Variants in TDRD6 observed in about 807,000 individuals in gnomAD.
TDRD6 encodes the protein tudor domain containing 6.
Under a neutral mutation model 157.5 loss-of-function variants are expected in TDRD6, and 186 were observed. The observed-to-expected ratio is 1.18, with a 90% confidence interval of 1.05 to 1.33. TDRD6 has a LOEUF of 1.33. Among genes scored for constraint, TDRD6 ranks in the 40% most tolerant of loss-of-function variants. The pLI is 0.00. For missense variants in TDRD6, 3,066 were observed against 2,508.0 expected (o/e 1.22, Z -4.75); for synonymous variants, 1,075 against 945.2 (o/e 1.14, Z -2.52).
Position 46,701,864 on chromosome 6 carries a change from G to T in TDRD6, c.6268G>T (p.Gly2090Cys). The part of the protein sequence containing the change: ...KLDKSPPEKR[G>C]LEVMEI ...TTTTCTCTTTTTGTTTCAGAAAAGG[G>T]GTTTGGAGGTGATGGAGATTTAACC... The change falls in exon 4 of 4, where the codon GGT becomes TGT. Residue 2090 changes from glycine (G) to cysteine (C), a missense_variant. By Grantham distance (159) the Gly-to-Cys change is radical. Coordinates refer to ENST00000316081, the MANE Select transcript of TDRD6 (RefSeq NM_001010870.3). The T allele has an allele frequency of 6.2e-7, 1 of 1,612,770 alleles. No individual in the cohort carries two copies.
chr6:46,700,637 A>G (rs941289862), intron 3 of TDRD6, among the ~76,000 whole-genome samples: 2 of 152,180 alleles, frequency 1.3e-5, no homozygotes, highest in African/African-American at 4.8e-5. Flanking sequence ...ATTGTCCTTA[A>G]TAAAGCATCT....
Position 46,690,579 on chromosome 6 carries a change from G to A in TDRD6, c.2451G>A (p.Gln817=). The A allele has an allele frequency of 6.2e-7, 1 of 1,614,192 alleles. No individual in the cohort carries two copies. The highest frequency in any genetic ancestry group is 8.5e-7 in the Non-Finnish European group (1 of 1,180,040). The change falls in exon 1 of 4, where the codon CAG becomes CAA. Residue 817 remains glutamine (Q), a synonymous_variant. Transcript: ENST00000316081. The part of the protein sequence containing the change: ...YYCKNTAAPH[Q]RNTLACLAKR... ...GCAAAAATACAGCTGCTCCTCACCA[G>A]AGAAACACCCTTGCTTGTTTGGCTA...
rs1425807989 is a variant in TDRD6 at position 46,693,571 on chromosome 6, G to A, written c.5443G>A (p.Gly1815Arg). 1 of 1,614,142 alleles carries A rather than the reference G, an allele frequency of 6.2e-7. No homozygotes were observed. Among genetic ancestry groups the A allele is most frequent in the South Asian group, 1.1e-5 (1 of 91,086 alleles). Residue 1815 changes from glycine to arginine, a missense_variant, in exon 1 of 4, where the codon GGA becomes AGA. Coordinates refer to ENST00000316081, the MANE Select transcript of TDRD6 (RefSeq NM_001010870.3). ...AEFDDKYLIT[G>R]FNTLLPHANE... The stretch of plus-strand genomic sequence containing the variant: ...GTTTGATGATAAATACCTGATTACA[G>A]GATTTAACACATTACTACCACATGC...
intron 2 of TDRD6, 51 bp from the exon 3 acceptor site, chr6:46,697,947 C>T: frequency 1.0e-6 from 1 of 991,338 alleles, no homozygotes; most frequent in African/African-American, 1.6e-5. Context: ...GTACATAAAT[C>T]AGTTATTTTT....
intron 3 of TDRD6, among the ~76,000 whole-genome samples, chr6:46,699,624 G>A (rs1764575218): frequency 6.6e-6 from 1 of 151,736 alleles, no homozygotes; most frequent in South Asian, 2.1e-4. Context: ...AGGCAGTTTT[G>A]ATTTGGCCCA....
In TDRD6 at chr6:46,689,652, AC is replaced by A. The variant is rs1764245086; in HGVS notation, c.1525del (p.His509ThrfsTer8). The A allele has an allele frequency of 6.2e-7, 1 of 1,614,172 alleles. No homozygotes were observed. The highest frequency in any genetic ancestry group is 1.7e-5 in the Admixed American group (1 of 60,028). ...PSEFWIRLRK[H>X]NVTFSKLMRR... ...CTGAGTTTTGGATTAGGTTGAGGAA[AC>A]ACAATGTCACCTTCAGTAAGCTGAT... On this transcript the variant is annotated frameshift_variant, in exon 1 of 4. Transcript: ENST00000316081. LOFTEE classifies it high-confidence loss of function.
Position 46,694,163 on chromosome 6 carries a change from A to G in TDRD6, c.6035A>G (p.Asp2012Gly), listed in dbSNP as rs147664901. 4.6e-6 allele frequency: 7 copies of G among 1,532,254 alleles called. No individual in the cohort carries two copies. Among genetic ancestry groups the G allele is most frequent in the East Asian group, 2.3e-5 (1 of 44,312 alleles). 94.9% of individuals were successfully genotyped at this position (1,532,254 alleles called of 1,614,324 possible). Residue 2012 changes from aspartate (D) to glycine (G), a missense_variant, in exon 1 of 4, where the codon GAT (aspartate) becomes GGT (glycine). Coordinates refer to ENST00000316081, the MANE Select transcript of TDRD6 (RefSeq NM_001010870.3). ...DGSKHNNGLP[D>G]HISAQLQNTY... ...AGCAAGCACAATAATGGTTTACCAG[A>G]TCATATCTCAGGTATGTGAATTTTT... is the stretch of plus-strand genomic sequence containing the variant.
At position 46,693,687 on chromosome 6, in the gene TDRD6, T is replaced by A. The variant is rs756872861; in HGVS notation, c.5559T>A (p.Ser1853=). Residue 1853 remains serine, a synonymous_variant, in exon 1 of 4, where the codon TCT becomes TCA. Transcript: ENST00000316081. ...CAAAAGAATTCTTAGAACTGGAATCTATTGAGTTACAGAATTCTCTGGTGG... is the reference window on the plus strand; with the variant it reads ...CAAAAGAATTCTTAGAACTGGAATCAATTGAGTTACAGAATTCTCTGGTGG... ...DESKEFLELE[S]IELQNSLVVD... The A allele has an allele frequency of 2.2e-5, 35 of 1,614,076 alleles. 1 individual carries two copies. The highest frequency in any genetic ancestry group is 3.3e-4 in the Middle Eastern group (2 of 6,080).
At chr6:46,681,252 G>A in the TDRD6 span, among the ~76,000 whole-genome samples, 1 of 152,118 alleles carries the variant, frequency 6.6e-6, no homozygotes, top group Non-Finnish European at 1.5e-5. Context: ...GTTTTTAAAT[G>A]ATCATGTGTG....
chr6:46,694,319 C>T (rs909477187), intron 1 of TDRD6, 145 bp downstream of exon 1: 7 of 561,516 alleles, frequency 1.2e-5, no homozygotes, highest in Non-Finnish European at 2.1e-5. Context: ...TTTCCCACCT[C>T]AGCCTCCCAA....
Position 46,690,764 on chromosome 6 carries a change from C to CT in TDRD6, c.2640dup (p.Arg881Ter). On this transcript the variant is annotated frameshift_variant, in exon 1 of 4. Coordinates refer to ENST00000316081, the MANE Select transcript of TDRD6 (RefSeq NM_001010870.3). LOFTEE classifies it high-confidence loss of function. Reference sequence around the variant, plus strand: ...GAATTTCTGAAGGTTAAGGCACAGGCTTTTAGGTGCAGTCTTTATAATTTA... The same window carrying CT: ...GAATTTCTGAAGGTTAAGGCACAGGCTTTTTAGGTGCAGTCTTTATAATTTA... 6.2e-7 allele frequency: 1 copy of CT among 1,614,100 alleles called. No individual in the cohort carries two copies. Among genetic ancestry groups the CT allele is most frequent in the Non-Finnish European group, 8.5e-7 (1 of 1,180,018 alleles).
At chr6:46,680,728 T>C in the TDRD6 span, among the ~76,000 whole-genome samples, 1 of 152,310 alleles carries the variant, frequency 6.6e-6, no homozygotes, top group Non-Finnish European at 1.5e-5. Flanking sequence ...TTTCACTGCA[T>C]ACCTGTACCC....
chr6:46,689,619 A>G lies in TDRD6; in HGVS notation c.1491A>G (p.Lys497=). The change falls in exon 1 of 4, where the codon AAA becomes AAG. Residue 497 remains lysine (K), a synonymous_variant. Transcript: ENST00000316081. ...AFYDAQVEFV[K]NPSEFWIRLR... ...ACGATGCGCAGGTAGAGTTTGTTAA[A>G]AATCCTTCTGAGTTTTGGATTAGGT... The G allele has an allele frequency of 6.2e-7, 1 of 1,614,176 alleles. No individual in the cohort carries two copies. The highest frequency in any genetic ancestry group is 8.5e-7 in the Non-Finnish European group (1 of 1,180,030).
At position 46,691,632 on chromosome 6, in the gene TDRD6, A is replaced by G. The variant is rs771708940; in HGVS notation, c.3504A>G (p.Lys1168=). ...LLSYKDRIRK[K]ESEVLCSTTE... ...GTTACAAAGATAGAATAAGAAAAAAAGAAAGTGAAGTCCTCTGTTCTACAA... is the reference window on the plus strand; with the variant it reads ...GTTACAAAGATAGAATAAGAAAAAAGGAAAGTGAAGTCCTCTGTTCTACAA... Residue 1168 remains lysine, a synonymous_variant, in exon 1 of 4, where the codon AAA becomes AAG. Coordinates refer to ENST00000316081, the MANE Select transcript of TDRD6 (RefSeq NM_001010870.3). The G allele has an allele frequency of 3.1e-6, 5 of 1,613,354 alleles. 1 individual carries two copies. Among genetic ancestry groups the G allele is most frequent in the East Asian group, 4.5e-5 (2 of 44,818 alleles).
chr6:46,699,607 G>A (rs1582553162), intron 3 of TDRD6, among the ~76,000 whole-genome samples: 1 of 151,998 alleles, frequency 6.6e-6, no homozygotes, highest in East Asian at 1.9e-4. Context: ...TGCTGTCTAC[G>A]CTAGCTAGGC....
In TDRD6 at chr6:46,690,342, G is replaced by A; in HGVS notation, c.2214G>A (p.Val738=). 3.1e-6 allele frequency: 5 copies of A among 1,613,326 alleles called. No individual in the cohort carries two copies. Among genetic ancestry groups the A allele is most frequent in the South Asian group, 1.1e-5 (1 of 91,064 alleles). Residue 738 remains valine (V), a synonymous_variant, in exon 1 of 4, where the codon GTG becomes GTA. Transcript: ENST00000316081. ...VVTNGSTELV[V]QEKVKRASVY... is the part of the protein sequence containing the mutation. ...CAAATGGTTCAACTGAACTAGTTGT[G>A]CAGGAAAAAGTGAAAAGAGCATCTG... is the stretch of plus-strand genomic sequence containing the variant.
chr6:46,698,166 G>T, intron 3 of TDRD6, 79 bp downstream of exon 3: 4 of 1,040,486 alleles, frequency 3.8e-6, no homozygotes, highest in Non-Finnish European at 4.2e-6. Flanking sequence ...TATTTCCAAA[G>T]TCCTTGTGTT....
In TDRD6 at chr6:46,688,549, G is replaced by T; in HGVS notation, c.421G>T (p.Ala141Ser). ...LAGLVPAGCG[A>S]GSGEPPQHWP... ...GGGCCTGGTGCCGGCAGGCTGCGGC[G>T]CGGGCTCAGGCGAGCCGCCGCAGCA... The change falls in exon 1 of 4, where the codon GCG (alanine) becomes TCG (serine). Residue 141 changes from alanine to serine, a missense_variant. By Grantham distance (99) the Ala-to-Ser change is moderately conservative. Transcript: ENST00000316081. The T allele has an allele frequency of 6.3e-7, 1 of 1,579,764 alleles. No homozygotes were observed. The highest frequency in any genetic ancestry group is 1.8e-5 in the Admixed American group (1 of 56,522).
rs1335742510 is a variant in TDRD6 at position 46,689,661 on chromosome 6, C to T, written c.1533C>T (p.Val511=). 6.2e-7 allele frequency: 1 copy of T among 1,614,096 alleles called. No homozygotes were observed. Among genetic ancestry groups the T allele is most frequent in the Non-Finnish European group, 8.5e-7 (1 of 1,180,046 alleles). ...GGATTAGGTTGAGGAAACACAATGTCACCTTCAGTAAGCTGATGAGGAGAA... is the reference window on the plus strand; with the variant it reads ...GGATTAGGTTGAGGAAACACAATGTTACCTTCAGTAAGCTGATGAGGAGAA... ...EFWIRLRKHN[V]TFSKLMRRMC... Residue 511 remains valine (V), a synonymous_variant, in exon 1 of 4, where the codon GTC becomes GTT. Transcript: ENST00000316081.
Sources: allele counts gnomAD v4.1 joint callset (sites outside exome capture counted in the v4.1 genomes callset), GRCh38; gene constraint gnomAD v4.1.1; transcripts MANE v1.5; gene names NCBI Gene and HGNC (gene_info 2026-07-23, HGNC 2026-07-21).